ZNF487: variants seen among roughly 807,000 people sequenced by gnomAD.
The protein encoded by ZNF487 is KRAB domain only 1.
Under a neutral mutation model 3.0 loss-of-function variants are expected in ZNF487, and 4 were observed. The ratio of observed to expected loss-of-function variants is 1.35; its 90% CI spans 0.66 to 3.08. The LOEUF (loss-of-function observed/expected upper bound fraction) is 3.08, where lower values mean the gene tolerates loss of function less well. Ranked by LOEUF, ZNF487 falls within the 30% of genes most tolerant of loss-of-function variation. The pLI is 0.01. For missense variants in ZNF487, 146 were observed against 98.7 expected, an observed-to-expected ratio of 1.48 and a Z score of -2.03; for synonymous variants, 55 against 34.6, an observed-to-expected ratio of 1.59 and a Z score of -2.06.
intron 1 of ZNF487, among the ~76,000 whole-genome samples, chr10:43,445,320 A>G (rs574431385): frequency 6.6e-6 from 1 of 152,078 alleles, no homozygotes; most frequent in South Asian, 2.1e-4. Flanking sequence ...ATGTTTTTAT[A>G]TCTTTCCTAT....
chr10:43,441,034 ATTTTTTTTTTT>A (rs763451709), intron 1 of ZNF487, among the ~76,000 whole-genome samples: 1,564 of 44,624 alleles, frequency 0.035, 24 homozygotes, highest in Non-Finnish European at 0.044. Context: ...ACCTGGTTAA[ATTTTTTTTTTT>A]TTTTTTTTTT....
the ZNF487 span, among the ~76,000 whole-genome samples, chr10:43,497,748 A>G: frequency 6.6e-6 from 1 of 151,890 alleles, no homozygotes; most frequent in Non-Finnish European, 1.5e-5. Context: ...CGGGAAGATC[A>G]TGAGGTCAGG....
intron 1 of ZNF487, among the ~76,000 whole-genome samples, chr10:43,461,024 G>A (rs375462957): frequency 7.7e-6 from 1 of 129,140 alleles, no homozygotes; most frequent in African/African-American, 3.0e-5. Context: ...TTTTTTTTTT[G>A]AGACAGAGTT....
Position 43,482,619 on chromosome 10 carries a change from G to A in ZNF487, c.*697G>A, listed in dbSNP as rs1272349309. ...TCAGAAAGCCTTTGGTGATAGGTCAGCTCTAAAAGTACATCAGAGAATACA... is the reference window on the plus strand; with the variant it reads ...TCAGAAAGCCTTTGGTGATAGGTCAACTCTAAAAGTACATCAGAGAATACA... On this transcript the variant is annotated 3_prime_UTR_variant, in exon 4 of 4. Coordinates refer to ENST00000437590, the MANE Select transcript of ZNF487 (RefSeq NM_001355444.3). The A allele has an allele frequency of 4.0e-6, 2 of 497,310 alleles. No homozygotes were observed. The highest frequency in any genetic ancestry group is 8.2e-6 in the Non-Finnish European group (2 of 243,698). The allele number at this position is 497,310 out of a possible 1,614,324, so 30.8% of individuals were successfully genotyped here.
the ZNF487 span, among the ~76,000 whole-genome samples, chr10:43,489,073 C>G: frequency 6.6e-6 from 1 of 152,050 alleles, no homozygotes; most frequent in Admixed American, 6.6e-5. Flanking sequence ...TCACGCCAGC[C>G]CAGGCAACAG....
At chr10:43,496,750 C>A in the ZNF487 span, among the ~76,000 whole-genome samples, 1 of 152,252 alleles carries the variant, frequency 6.6e-6, no homozygotes, top group Admixed American at 6.5e-5. Flanking sequence ...CTGGTGAGGG[C>A]CCTCTTCCAG....
chr10:43,476,049 C>CA, intron 2 of ZNF487, 58 bp from the exon 3 acceptor site: 1 of 707,784 alleles, frequency 1.4e-6, no homozygotes, highest in Admixed American at 2.1e-5. Flanking sequence ...TTTGTGCAGG[C>CA]ACACCTTTGT....
the ZNF487 span, among the ~76,000 whole-genome samples, chr10:43,508,146 C>T: frequency 6.6e-6 from 1 of 152,140 alleles, no homozygotes; most frequent in African/African-American, 2.4e-5. Flanking sequence ...TAATTCAAAC[C>T]CAGCTTAAGC....
At chr10:43,493,976 A>C in the ZNF487 span, among the ~76,000 whole-genome samples, 4 of 151,082 alleles carry the variant, frequency 2.6e-5, no homozygotes, top group Non-Finnish European at 5.9e-5. Context: ...GGTTGTAGTC[A>C]GCCAATATTG....
intron 1 of ZNF487, among the ~76,000 whole-genome samples, chr10:43,459,748 C>A (rs192278147): frequency 2.0e-5 from 3 of 149,748 alleles, no homozygotes; most frequent in East Asian, 2.0e-4. Context: ...AGGGTTTTGC[C>A]GTGTTGCTCA....
the ZNF487 span, among the ~76,000 whole-genome samples, chr10:43,490,565 A>G: frequency 9.6e-3 from 1,126 of 116,690 alleles, 5 homozygotes; most frequent in Non-Finnish European, 0.014. Context: ...GCTGGAGTGC[A>G]ATGGCACAAT....
At chr10:43,464,747 G>GA (rs747380893) in intron 1 of ZNF487, among the ~76,000 whole-genome samples, 1 of 152,322 alleles carries the variant, frequency 6.6e-6, no homozygotes, top group South Asian at 2.1e-4. Flanking sequence ...AGAACAAAAT[G>GA]AAAAGTCTGC....
chr10:43,474,335 C>T (rs1367176235), intron 1 of ZNF487, among the ~76,000 whole-genome samples: 1 of 150,696 alleles, frequency 6.6e-6, no homozygotes, highest in Non-Finnish European at 1.5e-5. Context: ...GCCCCTGTAA[C>T]CCCAGCTACT....
chr10:43,463,020 A>C (rs1840489194), intron 1 of ZNF487, among the ~76,000 whole-genome samples: 1 of 151,882 alleles, frequency 6.6e-6, no homozygotes, highest in South Asian at 2.1e-4. Context: ...GGATCAACTG[A>C]GGTCGGGAGT....
At chr10:43,449,514 A>C (rs562456945) in intron 1 of ZNF487, among the ~76,000 whole-genome samples, 3 of 152,308 alleles carry the variant, frequency 2.0e-5, no homozygotes, top group Admixed American at 2.0e-4. Flanking sequence ...TAAGTAACCA[A>C]GGAAGAGTTA....
intron 1 of ZNF487, among the ~76,000 whole-genome samples, chr10:43,441,228 A>G (rs1372788269): frequency 6.6e-6 from 1 of 150,818 alleles, no homozygotes; most frequent in African/African-American, 2.4e-5. Flanking sequence ...TGGCCTCCCA[A>G]AGTGCTGGGA....
At chr10:43,498,099 ATTTTTTTTTTTTTTCTTTTTTT>A in the ZNF487 span, among the ~76,000 whole-genome samples, 28 of 20,170 alleles carry the variant, frequency 1.4e-3, no homozygotes, top group South Asian at 6.8e-3. Flanking sequence ...ATATATATAT[ATTTTTTTTTTTTTTCTTTTTTT>A]TTTTTTTTTT....
chr10:43,459,057 G>C (rs1840322974), intron 1 of ZNF487, among the ~76,000 whole-genome samples: 1 of 151,994 alleles, frequency 6.6e-6, no homozygotes. Flanking sequence ...TGCCTTAATT[G>C]AGCATTCTGT....
intron 1 of ZNF487, among the ~76,000 whole-genome samples, chr10:43,465,396 C>T (rs560038590): frequency 1.5e-4 from 22 of 143,046 alleles, no homozygotes; most frequent in Middle Eastern, 4.6e-3. Flanking sequence ...TCAGACGGGG[C>T]GGCTGCCGGG....
Sources: allele counts gnomAD v4.1 joint callset (sites outside exome capture counted in the v4.1 genomes callset), GRCh38; gene constraint gnomAD v4.1.1; transcripts MANE v1.5; gene names NCBI Gene and HGNC (gene_info 2026-07-23, HGNC 2026-07-21).